The following DST variants were observed in gnomAD, a reference collection of about 807,000 sequenced individuals.
DST encodes dystonin, also known as bullous pemphigoid antigen.
In DST, 253 loss-of-function variants were observed where a neutral mutation model predicts 875.2. The observed-to-expected ratio is 0.29, with a 90% CI of 0.26 to 0.32. The LOEUF is 0.32. Ranked by LOEUF, DST falls within the 10% of genes least tolerant of loss-of-function variation. The pLI is 1.00. For synonymous variants in DST, 3,124 were observed against 3,197.1 expected, an observed-to-expected ratio of 0.98 and a Z score of 0.77; for missense variants, 8,287 against 9,111.6, an observed-to-expected ratio of 0.91 and a Z score of 3.68.
chr6:56,895,167 C>T (rs1473554142), intron 3 of DST, among the ~76,000 whole-genome samples: 1 of 77,524 alleles, frequency 1.3e-5, no homozygotes, highest in Non-Finnish European at 2.4e-5. Context: ...CTGACCCCCC[C>T]CACCTCCCTC....
chr6:56,838,148 T>C (rs1329337942), intron 4 of DST, among the ~76,000 whole-genome samples: 1 of 152,168 alleles, frequency 6.6e-6, no homozygotes, highest in Admixed American at 6.5e-5. Context: ...TAATATGAAA[T>C]AACAAACATT....
Position 56,639,514 on chromosome 6 carries a change from T to C in DST, c.2795A>G (p.Glu932Gly). 6.2e-7 allele frequency: 1 copy of C among 1,613,892 alleles called. No individual in the cohort carries two copies. Among genetic ancestry groups the C allele is most frequent in the South Asian group, 1.1e-5 (1 of 91,070 alleles). The change falls in exon 21 of 104, where the codon GAG becomes GGG. Residue 932 changes from glutamate to glycine, a missense_variant. Transcript: ENST00000680361. ...ELIWLNEKEE[E>G]EVAYDWSERN... ...CTCACTCCAGTCATAAGCAACTTCC[T>C]CCTCTTCTTTTTCATTCAACCAAAT...
At chr6:56,583,381 G>C (rs1483517622) in intron 49 of DST, among the ~76,000 whole-genome samples, 1 of 152,192 alleles carries the variant, frequency 6.6e-6, no homozygotes, top group African/African-American at 2.4e-5. Context: ...TCTTTTGGCT[G>C]CATAAATGTC....
At position 56,527,557 on chromosome 6, in the gene DST, A is replaced by G; in HGVS notation, c.17858T>C (p.Leu5953Ser). The G allele has an allele frequency of 6.2e-7, 1 of 1,613,860 alleles. No homozygotes were observed. Among genetic ancestry groups the G allele is most frequent in the Non-Finnish European group, 8.5e-7 (1 of 1,179,852 alleles). Residue 5953 changes from leucine to serine, a missense_variant, in exon 68 of 104, where the codon TTA becomes TCA. Transcript: ENST00000680361. ...CAGAACCTGAGTTTCATATGAAAGT[A>G]ATTCCACCTCCACTTTGTCCAGCCA... Reference protein sequence around the residue: ...CTWLDKVEVELLSYETQVLKG... With the variant: ...CTWLDKVEVESLSYETQVLKG...
At chr6:56,937,509 A>G (rs1813644650) in intron 2 of DST, among the ~76,000 whole-genome samples, 1 of 152,226 alleles carries the variant, frequency 6.6e-6, no homozygotes, top group Non-Finnish European at 1.5e-5. Context: ...GACAGTAACA[A>G]GTATTGCCAA....
intron 34 of DST, among the ~76,000 whole-genome samples, chr6:56,626,762 T>C (rs1383001858): frequency 2.6e-5 from 4 of 152,090 alleles, no homozygotes; most frequent in Non-Finnish European, 5.9e-5. Context: ...TATGTAACAA[T>C]AGTGTAGCCC....
At chr6:56,946,081 C>A (rs1352656923) in intron 2 of DST, among the ~76,000 whole-genome samples, 1 of 152,094 alleles carries the variant, frequency 6.6e-6, no homozygotes, top group Admixed American at 6.5e-5. Context: ...CTGTTTTCTT[C>A]TTTTAAGTAG....
At chr6:56,715,726 T>C (rs1359978992) in intron 5 of DST, among the ~76,000 whole-genome samples, 1 of 152,114 alleles carries the variant, frequency 6.6e-6, no homozygotes, top group East Asian at 1.9e-4. Flanking sequence ...CTCAGAGAGA[T>C]TACCTAAAAG....
chr6:56,517,140 G>A, intron 71 of DST, 58 bp downstream of exon 71: 2 of 1,238,592 alleles, frequency 1.6e-6, no homozygotes, highest in South Asian at 2.5e-5. Flanking sequence ...AGGACTGAAA[G>A]CTCAACACCT....
chr6:56,720,051 T>G (rs2099408907), intron 5 of DST, among the ~76,000 whole-genome samples: 1 of 152,144 alleles, frequency 6.6e-6, no homozygotes, highest in Non-Finnish European at 1.5e-5. Flanking sequence ...CAAAATTTAT[T>G]AGGCGGGAAT....
intron 2 of DST, among the ~76,000 whole-genome samples, chr6:56,925,331 A>G (rs1294589355): frequency 6.6e-6 from 1 of 152,206 alleles, no homozygotes; most frequent in Admixed American, 6.5e-5. Flanking sequence ...AATTATTTTT[A>G]AAAAACATAC....
chr6:56,829,047 G>A (rs986432497), intron 4 of DST, among the ~76,000 whole-genome samples: 1 of 152,122 alleles, frequency 6.6e-6, no homozygotes, highest in African/African-American at 2.4e-5. Context: ...GAAAGAAATG[G>A]CCAACCAGAA....
intron 4 of DST, among the ~76,000 whole-genome samples, chr6:56,745,998 AACAG>A (rs1176377933): frequency 6.6e-6 from 1 of 151,988 alleles, no homozygotes; most frequent in Admixed American, 6.6e-5. Flanking sequence ...TATTTTTTTT[AACAG>A]ACAGGGTTTC....
chr6:56,943,048 A>C (rs992863118), intron 2 of DST, among the ~76,000 whole-genome samples: 2 of 152,062 alleles, frequency 1.3e-5, no homozygotes, highest in Admixed American at 6.6e-5. Context: ...GACGCTCTTT[A>C]TTCAAATATA....
At chr6:56,782,508 C>T (rs1488450426) in intron 4 of DST, among the ~76,000 whole-genome samples, 2 of 152,202 alleles carry the variant, frequency 1.3e-5, no homozygotes, top group East Asian at 3.8e-4. Flanking sequence ...AGTTTATTTG[C>T]ATAGAGGTGT....
intron 33 of DST, 42 bp downstream of exon 33, chr6:56,627,957 A>C: frequency 6.3e-7 from 1 of 1,582,542 alleles, no homozygotes; most frequent in East Asian, 2.2e-5. Flanking sequence ...TGACTGACCA[A>C]ATGCAGACAT....
Position 56,555,829 on chromosome 6 carries a change from T to C in DST, c.14652A>G (p.Gln4884=), listed in dbSNP as rs1562769976. Residue 4884 remains glutamine (Q), a synonymous_variant, in exon 60 of 104, where the codon CAA becomes CAG. Coordinates refer to ENST00000680361, the MANE Select transcript of DST (RefSeq NM_001374736.1). Reference sequence around the variant, plus strand: ...ATTGAGGTTTCCGAGTGGCGAATTCTTGCAGCAAAATCTAAGGTAACAAGG... The same window carrying C: ...ATTGAGGTTTCCGAGTGGCGAATTCCTGCAGCAAAATCTAAGGTAACAAGG... ...TQRQQVQILL[Q]EFATRKPQYE... The C allele has an allele frequency of 1.3e-6, 2 of 1,493,792 alleles. No individual in the cohort carries two copies. The highest frequency in any genetic ancestry group is 3.6e-4 in the Middle Eastern group (2 of 5,562). The allele number at this position is 1,493,792 out of a possible 1,614,324, so 92.5% of individuals were successfully genotyped here. A position where few individuals can be genotyped will look rare whatever the true frequency, so the allele number is the denominator to read the frequency against.
chr6:56,892,998 CTTTA>C (rs1265292809), intron 3 of DST, among the ~76,000 whole-genome samples: 4 of 152,240 alleles, frequency 2.6e-5, no homozygotes, highest in South Asian at 4.1e-4. Flanking sequence ...ATTGTTATCA[CTTTA>C]TTTATTTTTT....
chr6:56,531,783 G>A (rs763213465), intron 64 of DST, among the ~76,000 whole-genome samples: 3 of 152,098 alleles, frequency 2.0e-5, no homozygotes, highest in Non-Finnish European at 4.4e-5. Flanking sequence ...ACACCCAGTG[G>A]AGCCAGGCTC....
Sources: gnomAD v4.1 joint callset for allele counts (sites outside exome capture counted in the v4.1 genomes callset) on GRCh38, gnomAD v4.1.1 for gene constraint, MANE v1.5 for transcripts, NCBI Gene and HGNC (gene_info 2026-07-23, HGNC 2026-07-21) for gene names.